NUP93: variants seen among roughly 807,000 people sequenced by gnomAD.
NUP93 encodes the protein nucleoporin 93.
In NUP93, 55 loss-of-function variants were observed where a neutral mutation model predicts 107.8. That is an observed-to-expected ratio of 0.51 (90% CI 0.41 to 0.64). The LOEUF (loss-of-function observed/expected upper bound fraction) is 0.64, where lower values mean the gene tolerates loss of function less well. NUP93 is among the 30% of genes least tolerant of loss of function. NUP93 has a pLI of 0.00. For synonymous variants in NUP93, 390 were observed against 397.5 expected, an observed-to-expected ratio of 0.98 and a Z score of 0.22; for missense variants, 937 against 1,044.7, an observed-to-expected ratio of 0.90 and a Z score of 1.42.
chr16:56,823,622 C>G, intron 7 of NUP93, 85 bp from the exon 8 acceptor site: 3 of 1,496,030 alleles, frequency 2.0e-6, no homozygotes, highest in Admixed American at 1.7e-5. Flanking sequence ...ACATTCTGCC[C>G]CCTTTGGAGG....
intron 4 of NUP93, 72 bp from the exon 5 acceptor site, chr16:56,805,432 T>G (rs1963114304): frequency 6.4e-7 from 1 of 1,566,616 alleles, no homozygotes; most frequent in South Asian, 1.2e-5. Context: ...GCTTTAGGTT[T>G]CTGTTGGGTC....
intron 6 of NUP93, among the ~76,000 whole-genome samples, chr16:56,818,961 A>G (rs1351129982): frequency 1.3e-5 from 2 of 152,238 alleles, no homozygotes; most frequent in Non-Finnish European, 2.9e-5. Flanking sequence ...TGTCCTTTAC[A>G]CTGACCATGG....
chr16:56,841,782 A>G lies in NUP93; in HGVS notation c.2298A>G (p.Thr766=), dbSNP rs1466920172. 3.7e-6 allele frequency: 6 copies of G among 1,614,220 alleles called. No individual in the cohort carries two copies. Among genetic ancestry groups the G allele is most frequent in the Non-Finnish European group, 5.1e-6 (6 of 1,180,026 alleles). ...CACAGTTTAAGAGGCTCAAGGGGACAAGTCCATCCTCGTCATCCAGGCCCC... is the reference window on the plus strand; with the variant it reads ...CACAGTTTAAGAGGCTCAAGGGGACGAGTCCATCCTCGTCATCCAGGCCCC... ...LFTQFKRLKG[T]SPSSSSRPQR... Residue 766 remains threonine (T), a synonymous_variant, in exon 21 of 22, where the codon ACA becomes ACG. Coordinates refer to ENST00000308159, the MANE Select transcript of NUP93 (RefSeq NM_014669.5).
chr16:56,808,115 A>ATTATATAAATATATAAATATAT (rs1963187867), intron 5 of NUP93, among the ~76,000 whole-genome samples: 1 of 123,856 alleles, frequency 8.1e-6, no homozygotes, highest in African/African-American at 3.0e-5. Flanking sequence ...ATAAATATAT[A>ATTATATAAATATATAAATATAT]TTATATAACT....
At chr16:56,754,913 G>T (rs1961990816) in intron 2 of NUP93, among the ~76,000 whole-genome samples, 2 of 152,158 alleles carry the variant, frequency 1.3e-5, no homozygotes, top group African/African-American at 4.8e-5. Flanking sequence ...AAAATTTTGT[G>T]TTTTTAATCT....
intron 4 of NUP93, among the ~76,000 whole-genome samples, chr16:56,799,022 CTG>C (rs1371381737): frequency 2.0e-5 from 3 of 152,074 alleles, no homozygotes; most frequent in African/African-American, 4.8e-5. Flanking sequence ...CTTTATAACT[CTG>C]TATGTATTTA....
intron 5 of NUP93, among the ~76,000 whole-genome samples, chr16:56,808,124 C>A (rs188530839): frequency 0.29 from 24,342 of 84,272 alleles, 4,891 homozygotes; most frequent in East Asian, 0.62. Context: ...TATTATATAA[C>A]TATATAAATA....
At chr16:56,812,006 TATAA>T (rs1214130031) in intron 5 of NUP93, among the ~76,000 whole-genome samples, 7 of 152,334 alleles carry the variant, frequency 4.6e-5, no homozygotes, top group Non-Finnish European at 1.0e-4. Flanking sequence ...AATCTTTGCA[TATAA>T]ATAGAGGAGA....
At chr16:56,768,392 T>C (rs1372049269) in intron 3 of NUP93, among the ~76,000 whole-genome samples, 2 of 151,712 alleles carry the variant, frequency 1.3e-5, no homozygotes, top group Non-Finnish European at 2.9e-5. Context: ...GGAGAAACCC[T>C]ATCTCTACTA....
intron 3 of NUP93, among the ~76,000 whole-genome samples, chr16:56,778,770 A>G (rs1219162682): frequency 6.6e-6 from 1 of 152,224 alleles, no homozygotes; most frequent in Non-Finnish European, 1.5e-5. Context: ...CTGGTAAGCT[A>G]TCACTGTGGA....
intron 9 of NUP93, among the ~76,000 whole-genome samples, chr16:56,829,886 T>C (rs1399861734): frequency 6.6e-6 from 1 of 152,192 alleles, no homozygotes; most frequent in African/African-American, 2.4e-5. Flanking sequence ...AGTGCCAAGA[T>C]AGGAGGCCTG....
At chr16:56,812,625 G>C (rs1404587715) in intron 5 of NUP93, among the ~76,000 whole-genome samples, 1 of 152,136 alleles carries the variant, frequency 6.6e-6, no homozygotes, top group Non-Finnish European at 1.5e-5. Flanking sequence ...TTACAGGTGT[G>C]AGCCACTGTG....
intron 8 of NUP93, among the ~76,000 whole-genome samples, chr16:56,827,192 T>C (rs1963686072): frequency 6.6e-6 from 1 of 152,148 alleles, no homozygotes; most frequent in African/African-American, 2.4e-5. Context: ...CAAGAACATA[T>C]TATATTTAGA....
chr16:56,793,470 G>A (rs1322850578), intron 3 of NUP93, among the ~76,000 whole-genome samples: 2 of 152,202 alleles, frequency 1.3e-5, no homozygotes, highest in Non-Finnish European at 2.9e-5. Context: ...GGGCATCTCA[G>A]TGGCAGGGAG....
In NUP93 at chr16:56,844,781, C is replaced by A. The variant is rs1231442805; in HGVS notation, c.*172C>A. 1 of 336,676 alleles carries A rather than the reference C, an allele frequency of 3.0e-6. No homozygotes were observed. The highest frequency in any genetic ancestry group is 4.8e-6 in the Non-Finnish European group (1 of 208,758). The allele number at this position is 336,676 out of a possible 1,614,324, so 20.9% of individuals were successfully genotyped here. A position where few individuals can be genotyped will look rare whatever the true frequency, so the allele number is the denominator to read the frequency against. ...TTGATTTGTATTTCTTTTCAACATT[C>A]TTTTATTTTCTTTTTTTTTTTCTTT... On this transcript the variant is annotated 3_prime_UTR_variant, in exon 22 of 22. Coordinates refer to ENST00000308159, the MANE Select transcript of NUP93 (RefSeq NM_014669.5).
intron 4 of NUP93, among the ~76,000 whole-genome samples, chr16:56,799,657 C>A (rs1186888387): frequency 1.3e-5 from 2 of 152,080 alleles, no homozygotes; most frequent in African/African-American, 4.8e-5. Context: ...CTCTGTTTTG[C>A]TGTTTACTTA....
chr16:56,823,685 A>G (rs773941367), intron 7 of NUP93, 22 bp from the exon 8 acceptor site: 15 of 1,612,828 alleles, frequency 9.3e-6, no homozygotes, highest in Non-Finnish European at 1.2e-5. Context: ...GCATTGTCAC[A>G]TGCAGTTTCA....
At position 56,776,360 on chromosome 16, in the gene NUP93, T is replaced by C. The variant is rs74357923; in HGVS notation, c.297+17705T>C. 7.2e-4 allele frequency among the ~76,000 whole-genome samples: 109 copies of C among 152,312 alleles called. 2 individuals are homozygous for C. In the East Asian group the frequency reaches 0.018, roughly 26 times the overall value. On this transcript the variant is annotated intron_variant, in intron 3 of 21. Transcript: ENST00000308159. ...ACTGTTTTCCAGATAGTAGCACAAA[T>C]AATAAATATGTGCAAAAACTATATA...
rs151064900 is a variant in NUP93 at position 56,849,394 on chromosome 16, C to T, written c.*4785C>T. 4.6e-4 allele frequency: 70 copies of T among 152,378 alleles called. 1 individual carries two copies. The highest frequency in any genetic ancestry group is 1.5e-3 in the African/African-American group (64 of 41,594). 9.4% of individuals were successfully genotyped at this position (152,378 alleles called of 1,614,324 possible). A position where few individuals can be genotyped will look rare whatever the true frequency, so the allele number is the denominator to read the frequency against. On this transcript the variant is annotated 3_prime_UTR_variant, in exon 22 of 22. Transcript: ENST00000308159. ...CAGCTCTGCGCTAGCACAATCTGTACACCTGGCTGCCTTTGCCCTTGAGCT... is the reference window on the plus strand; with the variant it reads ...CAGCTCTGCGCTAGCACAATCTGTATACCTGGCTGCCTTTGCCCTTGAGCT...
Sources: gnomAD v4.1 joint callset for allele counts (sites outside exome capture counted in the v4.1 genomes callset) on GRCh38, gnomAD v4.1.1 for gene constraint, MANE v1.5 for transcripts, NCBI Gene and HGNC (gene_info 2026-07-23, HGNC 2026-07-21) for gene names.